The following SLC25A48 variants were observed in gnomAD, a reference collection of about 807,000 sequenced individuals.
SLC25A48 encodes the protein CTC-321K16.1.
A neutral mutation model predicts 32.2 loss-of-function variants in SLC25A48; 29 were observed. That is an observed-to-expected ratio of 0.90 (90% confidence interval 0.67 to 1.23). The LOEUF (loss-of-function observed/expected upper bound fraction) is 1.23. SLC25A48 is among the 50% of genes most tolerant of loss of function. The pLI, the probability that SLC25A48 is intolerant of heterozygous loss-of-function variation, is 0.00. For synonymous variants in SLC25A48, 164 were observed against 172.3 expected, an observed-to-expected ratio of 0.95 and a Z score of 0.38; for missense variants, 399 against 422.7, an observed-to-expected ratio of 0.94 and a Z score of 0.49.
At chr5:135,836,559 T>A (rs1190226213) in intron 1 of SLC25A48, among the ~76,000 whole-genome samples, 2 of 152,240 alleles carry the variant, frequency 1.3e-5, no homozygotes, top group Admixed American at 1.3e-4. Flanking sequence ...GGTGCAACCA[T>A]CACCATAAAT....
upstream of SLC25A48, chr5:135,834,575 G>A: frequency 2.3e-6 from 1 of 443,090 alleles, no homozygotes; most frequent in Non-Finnish European, 4.0e-6. Flanking sequence ...TTTGTGTCTG[G>A]GATGAGCCGC....
At chr5:135,810,637 C>T (rs1757570563) in intron 3 of SLC25A48, among the ~76,000 whole-genome samples, 1 of 152,202 alleles carries the variant, frequency 6.6e-6, no homozygotes, top group East Asian at 1.9e-4. Context: ...CTGCCACACA[C>T]AGCATGTGGT....
chr5:135,712,904 C>T (rs79595663), intron 3 of SLC25A48, among the ~76,000 whole-genome samples: 1,951 of 152,338 alleles, frequency 0.013, 45 homozygotes, highest in African/African-American at 0.043. Flanking sequence ...AGACCATCCT[C>T]CATAGCCACC....
At chr5:135,801,855 G>A (rs1276538077) in intron 3 of SLC25A48, among the ~76,000 whole-genome samples, 4 of 151,602 alleles carry the variant, frequency 2.6e-5, no homozygotes, top group African/African-American at 9.7e-5. Context: ...ATTATCCGGG[G>A]GGCGGGGATG....
chr5:135,769,604 A>G (rs1254149460), intron 3 of SLC25A48, among the ~76,000 whole-genome samples: 1 of 150,582 alleles, frequency 6.6e-6, no homozygotes, highest in Non-Finnish European at 1.5e-5. Flanking sequence ...GGGATGTACA[A>G]CCCCCTGTGA....
At chr5:135,782,938 A>AGT (rs34469811) in intron 3 of SLC25A48, among the ~76,000 whole-genome samples, 56,020 of 112,982 alleles carry the variant, frequency 0.5, 21,126 homozygotes, top group Middle Eastern at 0.66. Flanking sequence ...CCAATATCGC[A>AGT]GGGGGTGTGC....
chr5:135,817,581 G>T (rs1387689367), intron 4 of SLC25A48, among the ~76,000 whole-genome samples: 1 of 152,046 alleles, frequency 6.6e-6, no homozygotes, highest in Non-Finnish European at 1.5e-5. Context: ...TATAGAACTT[G>T]AAAAATAAGG....
intron 3 of SLC25A48, among the ~76,000 whole-genome samples, chr5:135,793,987 A>T (rs927821132): frequency 2.0e-5 from 3 of 151,872 alleles, no homozygotes; most frequent in African/African-American, 7.3e-5. Flanking sequence ...GAGGGTGTAT[A>T]CTATTTCTTT....
chr5:135,786,895 G>A, intron 3 of SLC25A48, among the ~76,000 whole-genome samples: 1 of 151,628 alleles, frequency 6.6e-6, no homozygotes, highest in Admixed American at 6.6e-5. Context: ...TGTCACAGTA[G>A]GTGTACACCA....
At chr5:135,719,193 A>G (rs921184521) in intron 3 of SLC25A48, among the ~76,000 whole-genome samples, 1 of 152,224 alleles carries the variant, frequency 6.6e-6, no homozygotes, top group African/African-American at 2.4e-5. Flanking sequence ...AAAAATAGAA[A>G]TGTAAACACA....
At chr5:135,761,132 C>A (rs7443630) in intron 3 of SLC25A48, among the ~76,000 whole-genome samples, 61,544 of 151,884 alleles carry the variant, frequency 0.41, 14,343 homozygotes, top group Non-Finnish European at 0.52. Context: ...GAGACCCCCC[C>A]ATCTCTAAAA....
rs772956265 is a variant in SLC25A48, at chr5:135,842,403, T to G, written c.47-13T>G. 5.6e-6 allele frequency: 9 copies of G among 1,613,692 alleles called. No homozygotes were observed. The East Asian group carries it at 1.1e-4, about 20-fold the overall frequency. On this transcript the variant is annotated splice_polypyrimidine_tract_variant and intron_variant, in intron 1 of 7. Coordinates refer to ENST00000681962, the MANE Select transcript of SLC25A48 (RefSeq NM_001349336.2). Reference sequence around the variant, plus strand: ...AAGGGCTGAGTTACTAGGCATTCTTTTTTGATCCACAGGTGCAGCCAGTGT... The same window carrying G: ...AAGGGCTGAGTTACTAGGCATTCTTGTTTGATCCACAGGTGCAGCCAGTGT...
At chr5:135,750,981 T>G (rs1270427861) in intron 3 of SLC25A48, among the ~76,000 whole-genome samples, 1 of 152,160 alleles carries the variant, frequency 6.6e-6, no homozygotes, top group Non-Finnish European at 1.5e-5. Flanking sequence ...CTGAGCCACC[T>G]CAGTGCTCTC....
chr5:135,788,822 C>T (rs2126630189), intron 3 of SLC25A48, among the ~76,000 whole-genome samples: 2 of 149,988 alleles, frequency 1.3e-5, no homozygotes, highest in Admixed American at 1.3e-4. Context: ...ATGTACACCC[C>T]CCTCCCTGCC....
chr5:135,854,948 C>T (rs1027447588), intron 4 of SLC25A48, among the ~76,000 whole-genome samples: 1 of 152,144 alleles, frequency 6.6e-6, no homozygotes, highest in African/African-American at 2.4e-5. Flanking sequence ...ACAAACTGGC[C>T]TAATTTCAAG....
chr5:135,757,204 C>A (rs1755935980), intron 3 of SLC25A48, among the ~76,000 whole-genome samples: 1 of 149,564 alleles, frequency 6.7e-6, no homozygotes, highest in Non-Finnish European at 1.5e-5. Flanking sequence ...ATATTAATGT[C>A]ATCTATATTA....
chr5:135,788,584 C>G (rs1756919698), intron 3 of SLC25A48, among the ~76,000 whole-genome samples: 2 of 149,492 alleles, frequency 1.3e-5, no homozygotes, highest in Admixed American at 1.3e-4. Context: ...GGGTGGTGTA[C>G]ACACCCCCGC....
intron 1 of SLC25A48, 168 bp downstream of exon 1, chr5:135,835,061 G>T: frequency 2.5e-6 from 2 of 815,260 alleles, no homozygotes; most frequent in Admixed American, 2.0e-5. Flanking sequence ...TGGTCTTGCA[G>T]TTGCCAGGGC....
chr5:135,799,406 T>A (rs1167797724), intron 3 of SLC25A48, among the ~76,000 whole-genome samples: 1 of 151,468 alleles, frequency 6.6e-6, no homozygotes, highest in Non-Finnish European at 1.5e-5. Context: ...CGCCCCGTGA[T>A]ATTGTTTCTA....
Sources: allele counts gnomAD v4.1 joint callset (sites outside exome capture counted in the v4.1 genomes callset), GRCh38; gene constraint gnomAD v4.1.1; transcripts MANE v1.5; gene names NCBI Gene and HGNC (gene_info 2026-07-23, HGNC 2026-07-21).